ARHGEF3: variants seen among roughly 807,000 people sequenced by gnomAD.
ARHGEF3 encodes the protein 59.8 kDA protein.
Under a neutral mutation model 63.2 loss-of-function variants are expected in ARHGEF3, and 28 were observed. The observed-to-expected ratio is 0.44, with a 90% CI of 0.33 to 0.61. The LOEUF (loss-of-function observed/expected upper bound fraction) is 0.61, where lower values mean the gene tolerates loss of function less well. ARHGEF3 is among the 20% of genes least tolerant of loss of function. The pLI is 0.03. For missense variants in ARHGEF3, 533 were observed against 659.3 expected, an observed-to-expected ratio of 0.81 and a Z score of 2.10; for synonymous variants, 266 against 254.2, an observed-to-expected ratio of 1.05 and a Z score of -0.44.
intron 4 of ARHGEF3, among the ~76,000 whole-genome samples, chr3:56,837,329 G>A (rs563507948): frequency 2.0e-5 from 3 of 152,268 alleles, no homozygotes; most frequent in South Asian, 2.1e-4. Context: ...ACGGTTGACC[G>A]AGTTCATGTA....
At chr3:56,987,988 T>A (rs982565751) in intron 2 of ARHGEF3, among the ~76,000 whole-genome samples, 1 of 152,216 alleles carries the variant, frequency 6.6e-6, no homozygotes, top group Admixed American at 6.5e-5. Flanking sequence ...CAGACAGGTA[T>A]GGGCAACAGC....
chr3:56,899,457 G>C, intron 3 of ARHGEF3, among the ~76,000 whole-genome samples: 1 of 152,086 alleles, frequency 6.6e-6, no homozygotes, highest in East Asian at 1.9e-4. Flanking sequence ...TCTCTTCTAC[G>C]TACAAAGAGG....
intron 1 of ARHGEF3, among the ~76,000 whole-genome samples, chr3:56,796,025 A>C (rs1340175669): frequency 6.6e-6 from 1 of 151,736 alleles, no homozygotes; most frequent in Non-Finnish European, 1.5e-5. Context: ...TTCACTCCTG[A>C]CAGTCCATGA....
intron 3 of ARHGEF3, among the ~76,000 whole-genome samples, chr3:56,957,581 T>C (rs1700098079): frequency 6.6e-6 from 1 of 152,132 alleles, no homozygotes; most frequent in Non-Finnish European, 1.5e-5. Flanking sequence ...CATGCCTGAG[T>C]CTTCCAATCT....
chr3:56,898,333 C>CT (rs1466381308), intron 3 of ARHGEF3, among the ~76,000 whole-genome samples: 2 of 152,182 alleles, frequency 1.3e-5, no homozygotes, highest in East Asian at 3.9e-4. Flanking sequence ...CCTCGGCCTC[C>CT]TGAGTAGCTG....
intron 4 of ARHGEF3, among the ~76,000 whole-genome samples, chr3:56,854,213 A>G (rs1029911328): frequency 2.6e-5 from 4 of 152,078 alleles, no homozygotes; most frequent in African/African-American, 9.7e-5. Context: ...AAACAAAAAA[A>G]CAATTAGGCA....
intron 4 of ARHGEF3, among the ~76,000 whole-genome samples, chr3:56,878,609 C>G (rs1560015488): frequency 6.6e-6 from 1 of 152,196 alleles, no homozygotes; most frequent in African/African-American, 2.4e-5. Flanking sequence ...AAGAGAAACT[C>G]TTAACAGGGG....
At chr3:56,876,961 G>A (rs1483004358) in intron 4 of ARHGEF3, among the ~76,000 whole-genome samples, 2 of 152,204 alleles carry the variant, frequency 1.3e-5, no homozygotes, top group East Asian at 3.8e-4. Context: ...AGAGAGAAGG[G>A]CCAGGGAAAG....
At position 56,982,135 on chromosome 3, in the gene ARHGEF3, G is replaced by T. The variant is rs77474788; in HGVS notation, c.63-23246C>A. Among the ~76,000 whole-genome samples the T allele has an allele frequency of 9.0e-3, 1,370 of 152,196 alleles. 24 individuals are homozygous for T. Among genetic ancestry groups the T allele is most frequent in the African/African-American group, 0.032 (1,308 of 41,504 alleles). On this transcript the variant is annotated intron_variant, in intron 2 of 12. Transcript: ENST00000338458. ...TGAGAAAGAAGCTAACCTGGGGAAAGCAGAGCAAGAGACCAAGAGAGAGAA... is the reference window on the plus strand; with the variant it reads ...TGAGAAAGAAGCTAACCTGGGGAAATCAGAGCAAGAGACCAAGAGAGAGAA...
At chr3:56,839,299 T>C (rs1213991929) in intron 4 of ARHGEF3, among the ~76,000 whole-genome samples, 1 of 152,222 alleles carries the variant, frequency 6.6e-6, no homozygotes, top group African/African-American at 2.4e-5. Flanking sequence ...ATTTGTGATG[T>C]GTGTGTGACA....
intron 2 of ARHGEF3, among the ~76,000 whole-genome samples, chr3:56,967,511 A>T (rs1251800264): frequency 4.6e-5 from 4 of 86,210 alleles, no homozygotes; most frequent in East Asian, 3.5e-4. Flanking sequence ...CATAATATAT[A>T]ATATAATATA....
intron 3 of ARHGEF3, among the ~76,000 whole-genome samples, chr3:56,909,913 A>T (rs2041810331): frequency 1.3e-5 from 2 of 152,154 alleles, no homozygotes; most frequent in South Asian, 4.2e-4. Context: ...GAGACAGTGT[A>T]CCAACTCTGA....
intron 1 of ARHGEF3, among the ~76,000 whole-genome samples, chr3:56,795,299 C>A (rs191316561): frequency 2.0e-5 from 3 of 152,110 alleles, no homozygotes; most frequent in Admixed American, 6.5e-5. Flanking sequence ...TCTCAACAGG[C>A]CTTTCCCACT....
rs185904580 is a variant in ARHGEF3, at chr3:57,073,317, G to A, written c.-28+5909C>T. ...ACTCTACAACTTCTGATATGTTTAC[G>A]TTTATGTTCAATAAGAATATAATCA... is the stretch of plus-strand genomic sequence containing the variant. On this transcript the variant is annotated intron_variant, in intron 1 of 12. Coordinates refer to the ARHGEF3 transcript ENST00000338458. 304 of 180,062 alleles carry A rather than the reference G, an allele frequency of 1.7e-3. 5 individuals carry two copies. The highest frequency in any genetic ancestry group is 6.9e-3 in the African/African-American group (289 of 42,134). The allele number at this position is 180,062 out of a possible 1,614,324, so 11.2% of individuals were successfully genotyped here.
intron 3 of ARHGEF3, among the ~76,000 whole-genome samples, chr3:56,926,259 G>T (rs1051019412): frequency 6.6e-6 from 1 of 152,148 alleles, no homozygotes; most frequent in Non-Finnish European, 1.5e-5. Flanking sequence ...TTCAGGAGGC[G>T]AGGAGACAGT....
chr3:56,896,110 T>C (rs548004097), intron 3 of ARHGEF3, among the ~76,000 whole-genome samples: 1 of 152,262 alleles, frequency 6.6e-6, no homozygotes, highest in South Asian at 2.1e-4. Flanking sequence ...GGCCTTTTTC[T>C]TGGGGAGGGC....
rs151153584 is a variant in ARHGEF3, at chr3:56,784,356, G to A, written c.97-10540C>T. ...GCCTATAATGCCACACCCATCCGCC[G>A]GTCTGGAAAATGGGGCTGGACATCC... is the stretch of plus-strand genomic sequence containing the variant. On this transcript the variant is annotated intron_variant, in intron 1 of 9. Coordinates refer to ENST00000296315, the MANE Select transcript of ARHGEF3 (RefSeq NM_019555.3). Among the ~76,000 whole-genome samples, 54 of 152,252 alleles carry A rather than the reference G, an allele frequency of 3.5e-4. No homozygotes were observed. The East Asian group carries it at 9.8e-3, about 28-fold the overall frequency.
intron 4 of ARHGEF3, among the ~76,000 whole-genome samples, chr3:56,878,552 A>C (rs113744204): frequency 1.3e-5 from 2 of 152,146 alleles, no homozygotes; most frequent in Non-Finnish European, 2.9e-5. Flanking sequence ...TTATTTGGAG[A>C]TACGTCACCC....
intron 3 of ARHGEF3, among the ~76,000 whole-genome samples, chr3:56,950,944 C>G (rs1323324655): frequency 6.6e-6 from 1 of 152,002 alleles, no homozygotes; most frequent in East Asian, 1.9e-4. Context: ...GAATACTATG[C>G]AGCCATAAAA....
Sources: gnomAD v4.1 joint callset for allele counts (sites outside exome capture counted in the v4.1 genomes callset) on GRCh38, gnomAD v4.1.1 for gene constraint, MANE v1.5 for transcripts, NCBI Gene and HGNC (gene_info 2026-07-23, HGNC 2026-07-21) for gene names.